Variants in ZYG11B observed in about 807,000 individuals in gnomAD.
ZYG11B encodes zyg-11 family member B, cell cycle regulator.
Under a neutral mutation model 82.4 loss-of-function variants are expected in ZYG11B, and 36 were observed. That is an observed-to-expected ratio of 0.44 (90% CI 0.33 to 0.58). The LOEUF is 0.58. ZYG11B is among the 20% of genes least tolerant of loss of function. The pLI is 0.02. For missense variants in ZYG11B, 552 were observed against 895.6 expected (o/e 0.62, Z 4.90); for synonymous variants, 303 against 312.8 (o/e 0.97, Z 0.33).
intron 1 of ZYG11B, among the ~76,000 whole-genome samples, chr1:52,755,005 C>T (rs1015705411): frequency 3.4e-4 from 48 of 139,910 alleles, no homozygotes; most frequent in African/African-American, 1.2e-3. Context: ...GTCGCCCAGG[C>T]TGTGGAGTGC....
chr1:52,826,297 A>G lies in ZYG11B; in HGVS notation c.*4668A>G, dbSNP rs1430214877. On this transcript the variant is annotated 3_prime_UTR_variant, in exon 14 of 14. Coordinates refer to ENST00000294353, the MANE Select transcript of ZYG11B (RefSeq NM_024646.3). ...TTGGTTTCCCTCTCAAATCCATGGT[A>G]GTAGTTTCAAATGAGTTTGTGGATA... 6.6e-6 allele frequency: 1 copy of G among 152,170 alleles called. No homozygotes were observed. The highest frequency in any genetic ancestry group is 1.5e-5 in the Non-Finnish European group (1 of 68,036). The allele number at this position is 152,170 out of a possible 1,614,324, so 9.4% of individuals were successfully genotyped here.
At chr1:52,770,132 C>T (rs1247585180) in intron 2 of ZYG11B, among the ~76,000 whole-genome samples, 1 of 145,864 alleles carries the variant, frequency 6.9e-6, no homozygotes, top group Non-Finnish European at 1.5e-5. Flanking sequence ...CACTCTGTCA[C>T]CCAGGCTGGT....
chr1:52,783,853 T>TGTGCATATGTACATACAC (rs1553260805), intron 4 of ZYG11B, among the ~76,000 whole-genome samples: 39 of 57,118 alleles, frequency 6.8e-4, no homozygotes, highest in African/African-American at 1.9e-3. Flanking sequence ...TACATACACG[T>TGTGCATATGTACATACAC]GTGTGTGTAT....
At chr1:52,765,600 C>T (rs141644550) in intron 2 of ZYG11B, among the ~76,000 whole-genome samples, 91 of 152,178 alleles carry the variant, frequency 6.0e-4, no homozygotes, top group African/African-American at 1.8e-3. Context: ...TGGGCTCAAG[C>T]GACCCTTCGA....
At chr1:52,817,817 T>A (rs868223580) in intron 13 of ZYG11B, among the ~76,000 whole-genome samples, 436 of 8,290 alleles carry the variant, frequency 0.053, no homozygotes, top group Non-Finnish European at 0.093. Context: ...ATATATATAT[T>A]TTTTTTTTTT....
chr1:52,761,646 C>T (rs917549604), intron 2 of ZYG11B, among the ~76,000 whole-genome samples: 9 of 152,268 alleles, frequency 5.9e-5, no homozygotes, highest in South Asian at 2.1e-4. Context: ...GCAGTAAACA[C>T]GGGGTACAGA....
intron 5 of ZYG11B, among the ~76,000 whole-genome samples, chr1:52,786,917 C>A (rs1644917725): frequency 6.6e-6 from 1 of 152,058 alleles, no homozygotes; most frequent in Non-Finnish European, 1.5e-5. Flanking sequence ...ATGGAGAAAC[C>A]CTATCCCTAC....
At position 52,771,445 on chromosome 1, in the gene ZYG11B, A is replaced by G; in HGVS notation, c.622A>G (p.Lys208Glu). ...AGACATCACTGCTCTACTGGCCTGCAAAGACCGACTCAAGTCTCTAACCAT... is the reference window on the plus strand; with the variant it reads ...AGACATCACTGCTCTACTGGCCTGCGAAGACCGACTCAAGTCTCTAACCAT... ...ITDITALLAC[K>E]DRLKSLTMHH... Residue 208 changes from lysine (K) to glutamate (E), a missense_variant, in exon 3 of 14, where the codon AAA (lysine) becomes GAA (glutamate). Around this residue, in one of 3 missense-constraint regions of ZYG11B, gnomAD observed 359 missense variants for 555.8 expected, o/e 0.65. Transcript: ENST00000294353. The surrounding 1 kb of genome is among the most constrained non-coding windows in gnomAD (Gnocchi z 5.4). 1 of 1,613,874 alleles carries G rather than the reference A, an allele frequency of 6.2e-7. No homozygotes were observed. The highest frequency in any genetic ancestry group is 8.5e-7 in the Non-Finnish European group (1 of 1,179,968).
rs1571767271 is a variant in ZYG11B, at chr1:52,772,812, G to C, written c.951+1038G>C. Reference sequence around the variant, plus strand: ...TCTGCCTCAGTCCCCTGAGTAACTGGGACTACAGGCGCCCGCCACCACGCC... The same window carrying C: ...TCTGCCTCAGTCCCCTGAGTAACTGCGACTACAGGCGCCCGCCACCACGCC... On this transcript the variant is annotated intron_variant, in intron 3 of 13. Coordinates refer to ENST00000294353, the MANE Select transcript of ZYG11B (RefSeq NM_024646.3). Among the ~76,000 whole-genome samples the C allele has an allele frequency of 4.6e-5, 7 of 152,046 alleles. 1 individual carries two copies. The South Asian group carries it at 1.5e-3, about 32-fold the overall frequency.
intron 3 of ZYG11B, among the ~76,000 whole-genome samples, chr1:52,776,229 A>AAAAAAAAATAT: frequency 4.2e-5 from 1 of 23,534 alleles, no homozygotes. Context: ...TAAAAAAAAA[A>AAAAAAAAATAT]ATATATATAT....
In ZYG11B at chr1:52,776,229, A is replaced by AAAAAATATATATATAT; in HGVS notation, c.952-3623_952-3622insAAAATATATATATATA. ...AGCAAAACTCTGTCTTAAAAAAAAA[A>AAAAAATATATATATAT]ATATATATATATATATGCAATAAAG... On this transcript the variant is annotated intron_variant, in intron 3 of 13. Coordinates refer to ENST00000294353, the MANE Select transcript of ZYG11B (RefSeq NM_024646.3). Among the ~76,000 whole-genome samples the AAAAAATATATATATAT allele has an allele frequency of 2.4e-3, 57 of 23,540 alleles. 3 individuals carry two copies. The highest frequency in any genetic ancestry group is 0.022 in the East Asian group (33 of 1,490). The allele number at this position is 23,540 out of a possible 152,430, so 15.4% of individuals were successfully genotyped here.
chr1:52,776,229 A>AAAAAAAATATATATAT lies in ZYG11B; in HGVS notation c.952-3623_952-3622insAAAAAATATATATATA. ...AGCAAAACTCTGTCTTAAAAAAAAA[A>AAAAAAAATATATATAT]ATATATATATATATATGCAATAAAG... On this transcript the variant is annotated intron_variant, in intron 3 of 13. Transcript: ENST00000294353. 3.5e-3 allele frequency among the ~76,000 whole-genome samples: 82 copies of AAAAAAAATATATATAT among 23,534 alleles called. 4 individuals carry two copies. The highest frequency in any genetic ancestry group is 0.033 in the South Asian group (14 of 422). The allele number at this position is 23,534 out of a possible 152,430, so 15.4% of individuals were successfully genotyped here.
chr1:52,739,101 C>T (rs1439962353), intron 1 of ZYG11B, among the ~76,000 whole-genome samples: 1 of 150,508 alleles, frequency 6.6e-6, no homozygotes, highest in African/African-American at 2.5e-5. Context: ...GATTCTCCTG[C>T]CTCAGCCCCC....
Position 52,784,451 on chromosome 1 carries a change from T to C in ZYG11B, c.1093-426T>C, listed in dbSNP as rs559881937. Among the ~76,000 whole-genome samples, 31 of 152,314 alleles carry C rather than the reference T, an allele frequency of 2.0e-4. No individual in the cohort carries two copies. The South Asian group carries it at 5.4e-3, about 26-fold the overall frequency. On this transcript the variant is annotated intron_variant, in intron 4 of 13. Coordinates refer to ENST00000294353, the MANE Select transcript of ZYG11B (RefSeq NM_024646.3). ...GGGCAGAGGAAAAAGTGAGAAATAGTTGTCTAGGCCAGGGAAAGTGAATGG... is the reference window on the plus strand; with the variant it reads ...GGGCAGAGGAAAAAGTGAGAAATAGCTGTCTAGGCCAGGGAAAGTGAATGG...
At chr1:52,802,340 CTTTTTTT>C (rs397980205) in intron 10 of ZYG11B, among the ~76,000 whole-genome samples, 5 of 78,080 alleles carry the variant, frequency 6.4e-5, no homozygotes, top group South Asian at 9.5e-4. Flanking sequence ...TTCTTTCTCT[CTTTTTTT>C]TTTTTTTTTT....
intron 1 of ZYG11B, among the ~76,000 whole-genome samples, chr1:52,735,095 A>G (rs1413963599): frequency 6.7e-6 from 1 of 148,940 alleles, no homozygotes; most frequent in African/African-American, 2.5e-5. Flanking sequence ...CAATGGCGCG[A>G]TCTCGGCTCA....
intron 1 of ZYG11B, among the ~76,000 whole-genome samples, chr1:52,740,206 A>G (rs1043597117): frequency 4.6e-5 from 7 of 152,200 alleles, no homozygotes; most frequent in East Asian, 1.9e-4. Flanking sequence ...GATCTGCTCA[A>G]TGGCCACTGA....
Position 52,826,832 on chromosome 1 carries a change from G to A in ZYG11B, c.*5203G>A, listed in dbSNP as rs754863104. 1.1e-4 allele frequency: 16 copies of A among 152,030 alleles called. No homozygotes were observed. The highest frequency in any genetic ancestry group is 1.9e-4 in the Non-Finnish European group (13 of 68,006). 9.4% of individuals were successfully genotyped at this position (152,030 alleles called of 1,614,324 possible). On this transcript the variant is annotated 3_prime_UTR_variant, in exon 14 of 14. Coordinates refer to ENST00000294353, the MANE Select transcript of ZYG11B (RefSeq NM_024646.3). Reference sequence around the variant, plus strand: ...TTATTAATGTTATGTGTTTAATTTTGGACTTATTTTGGGAAAAACTGTTCA... The same window carrying A: ...TTATTAATGTTATGTGTTTAATTTTAGACTTATTTTGGGAAAAACTGTTCA...
intron 1 of ZYG11B, among the ~76,000 whole-genome samples, chr1:52,740,532 A>G (rs1044937510): frequency 2.9e-5 from 4 of 139,198 alleles, no homozygotes; most frequent in South Asian, 4.6e-4. Context: ...AATGTTATCT[A>G]TTGTCTGTGA....
Sources: gnomAD v4.1 joint callset for allele counts (sites outside exome capture counted in the v4.1 genomes callset) on GRCh38, gnomAD v4.1.1 for gene constraint, gnomAD v4.1.1 regional missense constraint, Gnocchi (gnomAD v3.1) non-coding constraint, MANE v1.5 for transcripts, NCBI Gene and HGNC (gene_info 2026-07-23, HGNC 2026-07-21) for gene names.